Variants in COA1 observed in about 807,000 individuals in gnomAD.
The protein encoded by COA1 is cytochrome c oxidase assembly factor 1.
A neutral mutation model predicts 16.0 loss-of-function variants in COA1; 13 were observed. The ratio of observed to expected loss-of-function variants is 0.81; its 90% CI spans 0.53 to 1.29. The LOEUF (loss-of-function observed/expected upper bound fraction) is 1.29, where lower values mean the gene tolerates loss of function less well. Among genes scored for constraint, COA1 ranks in the 50% most tolerant of loss-of-function variants. The pLI, the probability that COA1 is intolerant of heterozygous loss-of-function variation, is 0.00. For missense variants in COA1, 179 were observed against 177.0 expected (o/e 1.01, Z -0.06); for synonymous variants, 65 against 65.7 (o/e 0.99, Z 0.05).
At chr7:43,649,393 G>A (rs1313193279) in intron 1 of COA1, 1 of 152,186 alleles carries the variant, frequency 6.6e-6, no homozygotes, top group Non-Finnish European at 1.5e-5. Flanking sequence ...AAGCAATATT[G>A]AAATGTGAAA....
chr7:43,670,781 T>G (rs2093211577), intron 1 of COA1, among the ~76,000 whole-genome samples: 1 of 152,226 alleles, frequency 6.6e-6, no homozygotes, highest in African/African-American at 2.4e-5. Flanking sequence ...ATCTTTTCAT[T>G]CTCCACTAAA....
At chr7:43,727,950 T>C (rs1403092639) in intron 1 of COA1, among the ~76,000 whole-genome samples, 2 of 151,996 alleles carry the variant, frequency 1.3e-5, no homozygotes, top group Admixed American at 1.3e-4. Flanking sequence ...AATGTACTAA[T>C]GTACTAATTA....
At chr7:43,678,456 C>A (rs1180965447) in intron 1 of COA1, among the ~76,000 whole-genome samples, 1 of 152,080 alleles carries the variant, frequency 6.6e-6, no homozygotes, top group Non-Finnish European at 1.5e-5. Flanking sequence ...AAAGCACAAG[C>A]AGCAAAAGAA....
chr7:43,664,103 A>AAGAGAAAGAGAGAGAGAGAGAGAG (rs1554520106), intron 1 of COA1, among the ~76,000 whole-genome samples: 3 of 135,144 alleles, frequency 2.2e-5, no homozygotes, highest in Non-Finnish European at 4.6e-5. Flanking sequence ...TGTCTTTAGA[A>AAGAGAAAGAGAGAGAGAGAGAGAG]AGAGAGAGAG....
intron 1 of COA1, among the ~76,000 whole-genome samples, chr7:43,684,610 C>A (rs1282562522): frequency 1.3e-5 from 2 of 152,084 alleles, no homozygotes; most frequent in East Asian, 3.9e-4. Flanking sequence ...AGGATAGAGA[C>A]CCCTCTTCTC....
At chr7:43,677,629 C>A (rs917965506) in intron 1 of COA1, among the ~76,000 whole-genome samples, 1 of 151,654 alleles carries the variant, frequency 6.6e-6, no homozygotes, top group Non-Finnish European at 1.5e-5. Context: ...TGAAACCCCA[C>A]CTCTACTAAA....
intron 1 of COA1, among the ~76,000 whole-genome samples, chr7:43,724,994 T>A (rs2095584975): frequency 6.6e-6 from 1 of 152,198 alleles, no homozygotes; most frequent in African/African-American, 2.4e-5. Flanking sequence ...ATCCCAGCAC[T>A]TTGGGAGGCT....
intron 1 of COA1, among the ~76,000 whole-genome samples, chr7:43,702,971 T>C (rs1270882202): frequency 3.3e-5 from 5 of 152,336 alleles, no homozygotes; most frequent in Non-Finnish European, 2.9e-5. Context: ...TTCTAAGTTC[T>C]TGATGTAGGC....
chr7:43,663,979 C>T (rs1194992607), intron 1 of COA1, among the ~76,000 whole-genome samples: 2 of 152,034 alleles, frequency 1.3e-5, no homozygotes, highest in East Asian at 1.9e-4. Flanking sequence ...TCCCTTAAGC[C>T]CAGGAGTCAG....
At chr7:43,701,535 C>T (rs1324362779) in intron 1 of COA1, among the ~76,000 whole-genome samples, 3 of 152,284 alleles carry the variant, frequency 2.0e-5, no homozygotes, top group African/African-American at 7.2e-5. Flanking sequence ...CCTGGGTGCC[C>T]ATATCTTTGC....
chr7:43,630,187 C>T (rs2085031684), intron 6 of COA1, among the ~76,000 whole-genome samples: 1 of 152,016 alleles, frequency 6.6e-6, no homozygotes. Flanking sequence ...AACCCCCAGG[C>T]AATTATAATC....
At chr7:43,614,108 C>T (rs981916947) in intron 6 of COA1, among the ~76,000 whole-genome samples, 1 of 152,180 alleles carries the variant, frequency 6.6e-6, no homozygotes, top group Non-Finnish European at 1.5e-5. Flanking sequence ...GCCCATGACA[C>T]CCTAAGCCTT....
intron 1 of COA1, among the ~76,000 whole-genome samples, chr7:43,718,614 G>C (rs1196620541): frequency 6.6e-6 from 1 of 152,198 alleles, no homozygotes; most frequent in Non-Finnish European, 1.5e-5. Flanking sequence ...TGAACCTCCA[G>C]AATCTGTCCC....
intron 1 of COA1, among the ~76,000 whole-genome samples, chr7:43,686,912 T>C (rs757967965): frequency 6.6e-6 from 1 of 152,218 alleles, no homozygotes; most frequent in Non-Finnish European, 1.5e-5. Context: ...TATTGTTTTT[T>C]AATGACTATT....
At chr7:43,616,675 A>T (rs181265192) in intron 6 of COA1, among the ~76,000 whole-genome samples, 2,144 of 152,264 alleles carry the variant, frequency 0.014, 67 homozygotes, top group African/African-American at 0.049. Flanking sequence ...AGACGGGCGG[A>T]TCACGAGGTC....
intron 6 of COA1, among the ~76,000 whole-genome samples, chr7:43,616,008 G>A (rs2083306942): frequency 6.6e-6 from 1 of 152,166 alleles, no homozygotes; most frequent in African/African-American, 2.4e-5. Flanking sequence ...AGCGACCTGA[G>A]GTGTACTTAT....
chr7:43,640,757 T>C (rs1394378735), intron 4 of COA1, 108 bp from the exon 5 acceptor site: 6 of 778,670 alleles, frequency 7.7e-6, no homozygotes, highest in Non-Finnish European at 1.2e-5. Context: ...AATCCAGTGA[T>C]TCTCCACAGA....
intron 1 of COA1, among the ~76,000 whole-genome samples, chr7:43,706,657 C>G (rs1284031409): frequency 6.6e-6 from 1 of 151,888 alleles, no homozygotes; most frequent in Admixed American, 6.6e-5. Context: ...TCACTTGAGC[C>G]CAGGAGTTTA....
intron 1 of COA1, among the ~76,000 whole-genome samples, chr7:43,728,983 T>C (rs916385242): frequency 7.2e-5 from 11 of 152,260 alleles, no homozygotes; most frequent in African/African-American, 2.7e-4. Flanking sequence ...AGGGTTTTTC[T>C]GTTATTCAAG....
Sources: gnomAD v4.1 joint callset for allele counts (sites outside exome capture counted in the v4.1 genomes callset) on GRCh38, gnomAD v4.1.1 for gene constraint, MANE v1.5 for transcripts, NCBI Gene and HGNC (gene_info 2026-07-23, HGNC 2026-07-21) for gene names.